The following ANXA8 variants were observed in gnomAD, a reference collection of about 807,000 sequenced individuals.
ANXA8 encodes VAC-beta.
In ANXA8, 9 loss-of-function variants were observed where a neutral mutation model predicts 26.8. That is an observed-to-expected ratio of 0.34 (90% confidence interval 0.20 to 0.59). The LOEUF (loss-of-function observed/expected upper bound fraction) is 0.59. Ranked by LOEUF, ANXA8 falls within the 20% of genes least tolerant of loss-of-function variation. The pLI is 0.84. For synonymous variants in ANXA8, 39 were observed against 94.8 expected (o/e 0.41, Z 3.42); for missense variants, 83 against 238.5 (o/e 0.35, Z 4.29).
the ANXA8 span, among the ~76,000 whole-genome samples, chr10:47,567,518 C>A: frequency 1.3e-5 from 2 of 149,950 alleles, no homozygotes; most frequent in Admixed American, 6.6e-5. Flanking sequence ...CCCCAGCCAG[C>A]CGCCTTCTCT....
At chr10:47,733,217 CTTTCTCTTTCTTTCTCTCTT>C in the ANXA8 span, among the ~76,000 whole-genome samples, 155 of 71,272 alleles carry the variant, frequency 2.2e-3, 3 homozygotes, top group Admixed American at 7.6e-3. Context: ...TTCTTTCTTT[CTTTCTCTTTCTTTCTCTCTT>C]TCTTTCTTTC....
chr10:47,707,058 A>T, the ANXA8 span, among the ~76,000 whole-genome samples: 1 of 143,568 alleles, frequency 7.0e-6, no homozygotes, highest in Non-Finnish European at 1.6e-5. Context: ...AAATAATGTA[A>T]TCATCAAAAT....
the ANXA8 span, among the ~76,000 whole-genome samples, chr10:47,574,357 C>T: frequency 1.4e-5 from 2 of 142,204 alleles, no homozygotes; most frequent in African/African-American, 5.4e-5. Flanking sequence ...TTGTGATCCA[C>T]TCTCAGCCTC....
chr10:47,743,277 TACAC>T, the ANXA8 span, among the ~76,000 whole-genome samples: 1 of 92,278 alleles, frequency 1.1e-5, no homozygotes, highest in African/African-American at 3.7e-5. Context: ...TATATATATA[TACAC>T]ACATATATAT....
the ANXA8 span, among the ~76,000 whole-genome samples, chr10:47,684,322 T>C: frequency 4.6e-4 from 70 of 152,178 alleles, no homozygotes; most frequent in African/African-American, 1.5e-3. Context: ...ACAACTCCTA[T>C]AAATTGGAGT....
the ANXA8 span, among the ~76,000 whole-genome samples, chr10:47,624,075 A>C: frequency 9.8e-6 from 1 of 101,690 alleles, no homozygotes; most frequent in Non-Finnish European, 2.1e-5. Flanking sequence ...TCTCTACTAA[A>C]AATACAAAAA....
chr10:47,483,441 C>G (rs1839916774), intron 1 of ANXA8, among the ~76,000 whole-genome samples: 1 of 134,584 alleles, frequency 7.4e-6, no homozygotes, highest in African/African-American at 3.2e-5. Context: ...TACCAGGACC[C>G]TTGAGCTGTG....
chr10:47,762,340 G>C, the ANXA8 span, among the ~76,000 whole-genome samples: 2 of 146,904 alleles, frequency 1.4e-5, no homozygotes, highest in Non-Finnish European at 3.0e-5. Flanking sequence ...CTGGCCACCT[G>C]GGGCGGGCCA....
the ANXA8 span, among the ~76,000 whole-genome samples, chr10:47,673,598 A>G: frequency 4.6e-5 from 7 of 151,404 alleles, no homozygotes; most frequent in African/African-American, 1.7e-4. Flanking sequence ...AGCAAGGAGA[A>G]TCTAGCAAAC....
chr10:47,751,478 G>C, the ANXA8 span: 1 of 35,636 alleles, frequency 2.8e-5, no homozygotes, highest in Admixed American at 3.6e-4. Context: ...CAGAGGACAT[G>C]ATTATACAAA....
chr10:47,651,755 A>G, the ANXA8 span, among the ~76,000 whole-genome samples: 1 of 151,848 alleles, frequency 6.6e-6, no homozygotes. Context: ...TTAGCCGAAC[A>G]TGGTGGCTTA....
chr10:47,682,306 TTA>T, the ANXA8 span, among the ~76,000 whole-genome samples: 87 of 142,584 alleles, frequency 6.1e-4, 1 homozygote, highest in Non-Finnish European at 1.2e-3. Flanking sequence ...ATTCATGTGT[TTA>T]TATGGTTCTT....
chr10:47,619,802 G>A, the ANXA8 span, among the ~76,000 whole-genome samples: 1 of 114,128 alleles, frequency 8.8e-6, no homozygotes, highest in East Asian at 2.2e-4. Context: ...AAAGGCAGGG[G>A]GAGCTAGAGA....
At chr10:47,513,986 T>A in the ANXA8 span, among the ~76,000 whole-genome samples, 4 of 138,882 alleles carry the variant, frequency 2.9e-5, no homozygotes, top group Non-Finnish European at 6.2e-5. Context: ...GGCAAAGACT[T>A]CATGACCAAG....
chr10:47,530,769 A>G, the ANXA8 span, among the ~76,000 whole-genome samples: 1 of 132,404 alleles, frequency 7.6e-6, no homozygotes, highest in African/African-American at 2.8e-5. Context: ...TATCCCAAAT[A>G]CCAAACACAC....
the ANXA8 span, among the ~76,000 whole-genome samples, chr10:47,735,145 G>A: frequency 1.3e-5 from 2 of 150,604 alleles, no homozygotes; most frequent in African/African-American, 2.5e-5. Flanking sequence ...TGTCACCCAG[G>A]CTGGAGTACA....
the ANXA8 span, among the ~76,000 whole-genome samples, chr10:47,743,283 C>CACATATATATACACATAT: frequency 3.7e-5 from 3 of 81,988 alleles, no homozygotes; most frequent in Non-Finnish European, 7.5e-5. Context: ...TATATACACA[C>CACATATATATACACATAT]ATATATATAT....
chr10:47,660,808 CAAA>C, the ANXA8 span, among the ~76,000 whole-genome samples: 5 of 61,036 alleles, frequency 8.2e-5, no homozygotes, highest in Admixed American at 1.8e-4. Context: ...CACTGACTGT[CAAA>C]AAAAAAAAAA....
At chr10:47,698,931 G>T in the ANXA8 span, among the ~76,000 whole-genome samples, 2 of 151,436 alleles carry the variant, frequency 1.3e-5, no homozygotes, top group African/African-American at 4.9e-5. Context: ...TAATGCCAAT[G>T]TCTTATTTAA....
Sources: gnomAD v4.1 joint callset for allele counts (sites outside exome capture counted in the v4.1 genomes callset) on GRCh38, gnomAD v4.1.1 for gene constraint, MANE v1.5 for transcripts, NCBI Gene and HGNC (gene_info 2026-07-23, HGNC 2026-07-21) for gene names.